The following NRXN3 variants were observed in gnomAD, a reference collection of about 807,000 sequenced individuals.
NRXN3 encodes the protein neurexin 3, also known as neurexin III.
Under a neutral mutation model 137.6 loss-of-function variants are expected in NRXN3, and 32 were observed. That is an observed-to-expected ratio of 0.23 (90% CI 0.18 to 0.31). The LOEUF (loss-of-function observed/expected upper bound fraction) is 0.31. Ranked by LOEUF, NRXN3 falls within the 10% of genes least tolerant of loss-of-function variation. The pLI, the probability that NRXN3 is intolerant of heterozygous loss-of-function variation, is 1.00. For synonymous variants in NRXN3, 798 were observed against 784.5 expected, an observed-to-expected ratio of 1.02 and a Z score of -0.29; for missense variants, 1,574 against 2,062.5, an observed-to-expected ratio of 0.76 and a Z score of 4.59.
At chr14:78,705,489 C>G (rs2098337234) in intron 6 of NRXN3, among the ~76,000 whole-genome samples, 1 of 152,156 alleles carries the variant, frequency 6.6e-6, no homozygotes, top group African/African-American at 2.4e-5. Flanking sequence ...TGTCCTTTTC[C>G]TCTTGGTAGA....
intron 15 of NRXN3, among the ~76,000 whole-genome samples, chr14:79,457,416 A>C (rs1453547973): frequency 6.6e-6 from 1 of 152,216 alleles, no homozygotes; most frequent in Non-Finnish European, 1.5e-5. Flanking sequence ...CAACTCTTTC[A>C]GATGATGAGG....
intron 2 of NRXN3, among the ~76,000 whole-genome samples, chr14:78,263,870 ATT>A (rs1219609989): frequency 4.9e-5 from 6 of 121,698 alleles, no homozygotes; most frequent in Non-Finnish European, 8.5e-5. Flanking sequence ...TGTCAGTTCT[ATT>A]TTGTGTGTGT....
At chr14:78,637,500 A>G (rs562351889) in intron 4 of NRXN3, among the ~76,000 whole-genome samples, 6 of 152,338 alleles carry the variant, frequency 3.9e-5, no homozygotes, top group Non-Finnish European at 7.3e-5. Context: ...TATGGCTGGG[A>G]ACTGGGCCAA....
intron 14 of NRXN3, among the ~76,000 whole-genome samples, chr14:78,970,030 A>G (rs1170524141): frequency 6.6e-6 from 1 of 152,186 alleles, no homozygotes; most frequent in East Asian, 1.9e-4. Flanking sequence ...AATTGTATAT[A>G]GTGTTTAGAA....
chr14:79,685,719 G>A (rs921607954), intron 17 of NRXN3, among the ~76,000 whole-genome samples: 4 of 152,154 alleles, frequency 2.6e-5, no homozygotes, highest in Admixed American at 6.5e-5. Context: ...GTTACAAATG[G>A]CCTCAAAGTA....
intron 1 of NRXN3, among the ~76,000 whole-genome samples, chr14:78,176,377 AG>A (rs1296578473): frequency 6.4e-5 from 8 of 125,814 alleles, no homozygotes; most frequent in Non-Finnish European, 1.2e-4. Flanking sequence ...TTCTCTTCCA[AG>A]TTTTTTTTTT....
At chr14:79,245,594 A>T (rs1273429378) in intron 15 of NRXN3, among the ~76,000 whole-genome samples, 3 of 152,180 alleles carry the variant, frequency 2.0e-5, no homozygotes, top group Non-Finnish European at 4.4e-5. Context: ...TATTTTGATG[A>T]CTAAACGAGG....
intron 15 of NRXN3, among the ~76,000 whole-genome samples, chr14:79,363,853 A>G (rs1229726843): frequency 6.6e-6 from 1 of 152,210 alleles, no homozygotes; most frequent in Non-Finnish European, 1.5e-5. Flanking sequence ...ATATTGTGAT[A>G]AGAAATTTAT....
rs145545741 is a variant in NRXN3, at chr14:78,964,158, A to G, written c.2396-1867A>G. Among the ~76,000 whole-genome samples the G allele has an allele frequency of 8.2e-3, 1,244 of 152,332 alleles. 18 individuals are homozygous for G. The highest frequency in any genetic ancestry group is 0.028 in the African/African-American group (1,161 of 41,580). Reference sequence around the variant, plus strand: ...TATGATCTGGTTTAGTCTCCCAGATACTGAAGTTTAAGAGACCTAAGAAAA... The same window carrying G: ...TATGATCTGGTTTAGTCTCCCAGATGCTGAAGTTTAAGAGACCTAAGAAAA... On this transcript the variant is annotated intron_variant, in intron 11 of 20. Transcript: ENST00000335750.
chr14:78,407,374 T>C (rs2092553270), intron 4 of NRXN3, among the ~76,000 whole-genome samples: 1 of 152,198 alleles, frequency 6.6e-6, no homozygotes, highest in African/African-American at 2.4e-5. Context: ...AAGGTGTTTT[T>C]GTTGTTGTTG....
chr14:79,664,000 A>G (rs765495522), intron 17 of NRXN3, 51 bp downstream of exon 17: 5 of 1,573,918 alleles, frequency 3.2e-6, no homozygotes, highest in Non-Finnish European at 4.4e-6. Flanking sequence ...TCCCATTCTC[A>G]CTTTTCAGTG....
At chr14:79,795,130 T>C (rs1473968297) in intron 19 of NRXN3, among the ~76,000 whole-genome samples, 1 of 152,212 alleles carries the variant, frequency 6.6e-6, no homozygotes, top group Non-Finnish European at 1.5e-5. Flanking sequence ...GTTTATGAAC[T>C]GGAACGGGGA....
At chr14:79,665,972 A>G (rs879266881) in intron 17 of NRXN3, among the ~76,000 whole-genome samples, 1 of 152,146 alleles carries the variant, frequency 6.6e-6, no homozygotes, top group Admixed American at 6.6e-5. Context: ...ATTTATAAGT[A>G]TGGGCCTTGG....
At chr14:78,337,887 C>T (rs61265887) in intron 4 of NRXN3, among the ~76,000 whole-genome samples, 5,441 of 152,090 alleles carry the variant, frequency 0.036, 275 homozygotes, top group African/African-American at 0.12. Flanking sequence ...GTTGGGTGGA[C>T]TCACAGTCAA....
intron 4 of NRXN3, among the ~76,000 whole-genome samples, chr14:78,482,078 T>G (rs1057088308): frequency 6.6e-6 from 1 of 152,128 alleles, no homozygotes; most frequent in South Asian, 2.1e-4. Context: ...CAAGAAAAAG[T>G]TTTGAGTTTT....
intron 15 of NRXN3, among the ~76,000 whole-genome samples, chr14:79,132,627 G>A (rs979442995): frequency 6.6e-6 from 1 of 152,058 alleles, no homozygotes; most frequent in African/African-American, 2.4e-5. Context: ...TATTAGCTTA[G>A]GCAACATAAT....
intron 4 of NRXN3, among the ~76,000 whole-genome samples, chr14:78,605,377 GC>G (rs1211775753): frequency 6.6e-6 from 1 of 152,156 alleles, no homozygotes; most frequent in African/African-American, 2.4e-5. Flanking sequence ...AAATGACTCT[GC>G]CCTATAAAAG....
intron 16 of NRXN3, among the ~76,000 whole-genome samples, chr14:79,548,039 A>T (rs1017832138): frequency 3.3e-5 from 5 of 151,712 alleles, no homozygotes; most frequent in African/African-American, 9.7e-5. Flanking sequence ...TTAACTATTA[A>T]TTTTTTTTAT....
chr14:78,761,291 T>G (rs1263454379), intron 8 of NRXN3, among the ~76,000 whole-genome samples: 1 of 152,170 alleles, frequency 6.6e-6, no homozygotes, highest in Admixed American at 6.5e-5. Flanking sequence ...TTGACTGGAT[T>G]TTGACTGGTA....
Sources: allele counts gnomAD v4.1 joint callset (sites outside exome capture counted in the v4.1 genomes callset), GRCh38; gene constraint gnomAD v4.1.1; transcripts MANE v1.5; gene names NCBI Gene and HGNC (gene_info 2026-07-23, HGNC 2026-07-21).